The following ATRNL1 variants were observed in gnomAD, a reference collection of about 807,000 sequenced individuals.
The protein encoded by ATRNL1 is attractin like 1.
ATRNL1 carries 95 observed loss-of-function variants against 182.7 expected under a neutral mutation model. The ratio of observed to expected loss-of-function variants is 0.52; its 90% CI spans 0.44 to 0.62. ATRNL1 has a LOEUF of 0.62. Ranked by LOEUF, ATRNL1 falls within the 20% of genes least tolerant of loss-of-function variation. ATRNL1 has a pLI of 0.00. For synonymous variants in ATRNL1, 576 were observed against 568.3 expected, an observed-to-expected ratio of 1.01 and a Z score of -0.19; for missense variants, 1,471 against 1,679.5, an observed-to-expected ratio of 0.88 and a Z score of 2.17.
At chr10:115,473,583 C>T (rs1261625642) in intron 24 of ATRNL1, among the ~76,000 whole-genome samples, 1 of 151,124 alleles carries the variant, frequency 6.6e-6, no homozygotes. Flanking sequence ...GAAATGCTTG[C>T]CTTACAGCAT....
At chr10:115,725,362 G>A (rs534139265) in intron 26 of ATRNL1, among the ~76,000 whole-genome samples, 1 of 152,180 alleles carries the variant, frequency 6.6e-6, no homozygotes, top group East Asian at 1.9e-4. Context: ...CAACGATTGT[G>A]AGTTTGGAAT....
intron 26 of ATRNL1, among the ~76,000 whole-genome samples, chr10:115,647,328 C>G (rs1477342476): frequency 6.6e-6 from 1 of 152,122 alleles, no homozygotes; most frequent in Non-Finnish European, 1.5e-5. Context: ...AATGGGATGG[C>G]TGGATCAAAT....
chr10:115,708,710 A>C (rs10430684), intron 26 of ATRNL1, among the ~76,000 whole-genome samples: 57,189 of 151,390 alleles, frequency 0.38, 11,726 homozygotes, highest in East Asian at 0.65. Flanking sequence ...AATTATCATA[A>C]ATGTTATTGT....
At chr10:115,201,232 T>C (rs1341017765) in intron 8 of ATRNL1, among the ~76,000 whole-genome samples, 1 of 152,026 alleles carries the variant, frequency 6.6e-6, no homozygotes, top group African/African-American at 2.4e-5. Context: ...CTCTTTAGTT[T>C]AATGAGATCC....
At chr10:115,904,474 T>A (rs1952442398) in intron 28 of ATRNL1, among the ~76,000 whole-genome samples, 1 of 152,222 alleles carries the variant, frequency 6.6e-6, no homozygotes, top group Admixed American at 6.5e-5. Flanking sequence ...CAACTAATGC[T>A]GCTTTGGCAG....
rs189747773 is a variant in ATRNL1 at position 115,233,138 on chromosome 10, G to A, written c.1533-8433G>A. On this transcript the variant is annotated intron_variant, in intron 9 of 28. Transcript: ENST00000355044. ...CTTGTGTGTTTGTATGTGTCTGAAC[G>A]TGGCCTTCTTGTAAGGACACCAGTC... Among the ~76,000 whole-genome samples, 25 of 152,064 alleles carry A rather than the reference G, an allele frequency of 1.6e-4. No homozygotes were observed. In the East Asian group the frequency reaches 4.3e-3, roughly 26 times the overall value.
intron 27 of ATRNL1, among the ~76,000 whole-genome samples, chr10:115,752,615 G>A (rs1948479049): frequency 6.6e-6 from 1 of 151,984 alleles, no homozygotes; most frequent in African/African-American, 2.4e-5. Flanking sequence ...AGTCCCCCTA[G>A]ATGAAGACAG....
intron 21 of ATRNL1, among the ~76,000 whole-genome samples, chr10:115,455,028 T>G (rs111752835): frequency 3.5e-3 from 536 of 152,274 alleles, no homozygotes; most frequent in Non-Finnish European, 6.1e-3. Context: ...GTATTAGCTG[T>G]GGGCTATTCA....
intron 8 of ATRNL1, among the ~76,000 whole-genome samples, chr10:115,194,797 A>T (rs1848297291): frequency 6.7e-6 from 1 of 148,582 alleles, no homozygotes. Flanking sequence ...TATAAAAGTG[A>T]TTTTTTTTTC....
chr10:115,575,240 G>A (rs969419914), intron 26 of ATRNL1, among the ~76,000 whole-genome samples: 1 of 152,026 alleles, frequency 6.6e-6, no homozygotes, highest in African/African-American at 2.4e-5. Context: ...ATGGACCATC[G>A]ACTTTCAAGT....
intron 26 of ATRNL1, among the ~76,000 whole-genome samples, chr10:115,562,080 T>G (rs969343163): frequency 6.6e-6 from 1 of 152,220 alleles, no homozygotes; most frequent in African/African-American, 2.4e-5. Flanking sequence ...TTAATGTTTA[T>G]AGCACCATTA....
intron 28 of ATRNL1, among the ~76,000 whole-genome samples, chr10:115,858,423 G>A (rs1951235708): frequency 6.6e-6 from 1 of 152,156 alleles, no homozygotes; most frequent in South Asian, 2.1e-4. Context: ...ATTATCCTGA[G>A]CAAACTAACA....
intron 28 of ATRNL1, among the ~76,000 whole-genome samples, chr10:115,935,700 G>A (rs1953535882): frequency 6.6e-6 from 1 of 152,116 alleles, no homozygotes; most frequent in African/African-American, 2.4e-5. Context: ...CAACAGAATA[G>A]TTTTGAGAAA....
chr10:115,425,749 T>C (rs1162298091), intron 20 of ATRNL1, among the ~76,000 whole-genome samples: 1 of 152,070 alleles, frequency 6.6e-6, no homozygotes, highest in Non-Finnish European at 1.5e-5. Flanking sequence ...AGGAGATCTG[T>C]TTTTAAAAAT....
intron 1 of ATRNL1, among the ~76,000 whole-genome samples, chr10:115,119,496 TA>T (rs1169992504): frequency 6.6e-6 from 1 of 151,624 alleles, no homozygotes; most frequent in African/African-American, 2.4e-5. Context: ...GGGCTGGAAG[TA>T]AAAAAAACAA....
intron 1 of ATRNL1, among the ~76,000 whole-genome samples, chr10:115,105,191 AT>A (rs782250996): frequency 2.0e-5 from 3 of 152,150 alleles, no homozygotes; most frequent in Non-Finnish European, 4.4e-5. Context: ...TGAGCATGAA[AT>A]ATCTTTCCAT....
intron 28 of ATRNL1, among the ~76,000 whole-genome samples, chr10:115,873,063 C>T (rs1016534463): frequency 2.0e-5 from 3 of 152,190 alleles, no homozygotes; most frequent in African/African-American, 7.2e-5. Context: ...AAATGGGAGA[C>T]GATAGCCGTG....
At chr10:115,235,975 G>T (rs971893158) in intron 9 of ATRNL1, among the ~76,000 whole-genome samples, 1 of 151,872 alleles carries the variant, frequency 6.6e-6, no homozygotes, top group African/African-American at 2.4e-5. Flanking sequence ...ATTTATATCA[G>T]TATGAATTCA....
At chr10:115,598,350 A>ATTTATTTATTTATTTATTTATTTATTTAT (rs60852354) in intron 26 of ATRNL1, among the ~76,000 whole-genome samples, 15 of 145,856 alleles carry the variant, frequency 1.0e-4, no homozygotes, top group South Asian at 4.3e-4. Flanking sequence ...ATTTAAAAAA[A>ATTTATTTATTTATTTATTTATTTATTTAT]TTATTTATTT....
Sources: gnomAD v4.1 joint callset for allele counts (sites outside exome capture counted in the v4.1 genomes callset) on GRCh38, gnomAD v4.1.1 for gene constraint, MANE v1.5 for transcripts, NCBI Gene and HGNC (gene_info 2026-07-23, HGNC 2026-07-21) for gene names.